The following KCND2 variants were observed in gnomAD, a reference collection of about 807,000 sequenced individuals.
The protein encoded by KCND2 is A-type voltage-gated potassium channel KCND2.
A neutral mutation model predicts 54.4 loss-of-function variants in KCND2; 16 were observed. The observed-to-expected ratio is 0.29, with a 90% CI of 0.20 to 0.45. KCND2 has a LOEUF of 0.45. KCND2 is among the 20% of genes least tolerant of loss of function. The pLI is 1.00. For missense variants in KCND2, 486 were observed against 824.2 expected, an observed-to-expected ratio of 0.59 and a Z score of 5.02; for synonymous variants, 317 against 310.7, an observed-to-expected ratio of 1.02 and a Z score of -0.21.
At chr7:120,730,285 T>C (rs2116137257) in intron 1 of KCND2, among the ~76,000 whole-genome samples, 1 of 152,212 alleles carries the variant, frequency 6.6e-6, no homozygotes, top group East Asian at 1.9e-4. Context: ...GCTTACTGCA[T>C]AATCAGTGTG....
In KCND2 at chr7:120,493,869, T is replaced by C. The variant is rs186064818; in HGVS notation, c.1115+218122T>C. ...AGCATAATCCACAGTAGTGTTAAAC[T>C]GCATATATCTAAATATGTAATTGGT... On this transcript the variant is annotated intron_variant, in intron 1 of 5. Coordinates refer to ENST00000331113, the MANE Select transcript of KCND2 (RefSeq NM_012281.3). 5.7e-3 allele frequency among the ~76,000 whole-genome samples: 866 copies of C among 152,278 alleles called. 3 individuals carry two copies. Among genetic ancestry groups the C allele is most frequent in the Admixed American group, 0.01 (155 of 15,270 alleles).
intron 1 of KCND2, among the ~76,000 whole-genome samples, chr7:120,511,402 G>T (rs887458086): frequency 6.6e-6 from 1 of 151,994 alleles, no homozygotes; most frequent in Non-Finnish European, 1.5e-5. Flanking sequence ...ACAGAGACTG[G>T]TTTTGTTTAC....
intron 1 of KCND2, among the ~76,000 whole-genome samples, chr7:120,560,619 A>G (rs139650175): frequency 6.6e-6 from 1 of 152,182 alleles, no homozygotes; most frequent in Non-Finnish European, 1.5e-5. Flanking sequence ...GAAAGGAGAA[A>G]TCTTGCAGAA....
chr7:120,413,140 AT>A (rs1801475023), intron 1 of KCND2, among the ~76,000 whole-genome samples: 1 of 152,108 alleles, frequency 6.6e-6, no homozygotes, highest in African/African-American at 2.4e-5. Context: ...GAAGTAAGAC[AT>A]TTAAAAGAAG....
intron 1 of KCND2, among the ~76,000 whole-genome samples, chr7:120,560,760 C>T (rs1792223112): frequency 6.6e-6 from 1 of 152,146 alleles, no homozygotes; most frequent in Non-Finnish European, 1.5e-5. Context: ...CCATGTGTTC[C>T]TCTCAGTGTC....
intron 1 of KCND2, among the ~76,000 whole-genome samples, chr7:120,635,474 C>T (rs1793293270): frequency 6.6e-6 from 1 of 152,100 alleles, no homozygotes; most frequent in South Asian, 2.1e-4. Flanking sequence ...ATTGTAAGAA[C>T]TACACAAATT....
At chr7:120,519,507 A>G (rs1287636848) in intron 1 of KCND2, among the ~76,000 whole-genome samples, 2 of 152,124 alleles carry the variant, frequency 1.3e-5, no homozygotes, top group Non-Finnish European at 2.9e-5. Flanking sequence ...CTAGCATCAC[A>G]CCTCATAATT....
chr7:120,667,914 A>AAT (rs1396423752), intron 1 of KCND2, among the ~76,000 whole-genome samples: 2 of 152,100 alleles, frequency 1.3e-5, no homozygotes, highest in Non-Finnish European at 2.9e-5. Context: ...GACAACATGT[A>AAT]ATACCAAAGT....
intron 1 of KCND2, among the ~76,000 whole-genome samples, chr7:120,278,167 C>G (rs1440359729): frequency 6.6e-6 from 1 of 151,886 alleles, no homozygotes; most frequent in Non-Finnish European, 1.5e-5. Flanking sequence ...AATTTCTCAT[C>G]AAAATGTATT....
At chr7:120,733,527 GAC>G (rs1792832830) in intron 2 of KCND2, among the ~76,000 whole-genome samples, 1 of 152,136 alleles carries the variant, frequency 6.6e-6, no homozygotes, top group African/African-American at 2.4e-5. Context: ...CAGCACTAAT[GAC>G]AGTAGCAAAA....
chr7:120,529,767 A>C (rs1791820616), intron 1 of KCND2, among the ~76,000 whole-genome samples: 1 of 152,062 alleles, frequency 6.6e-6, no homozygotes, highest in Non-Finnish European at 1.5e-5. Context: ...TAGCCTCAAA[A>C]AGGAGTCTAT....
At chr7:120,288,439 G>C (rs908462339) in intron 1 of KCND2, among the ~76,000 whole-genome samples, 1 of 152,058 alleles carries the variant, frequency 6.6e-6, no homozygotes, top group African/African-American at 2.4e-5. Context: ...CCTAAAGATA[G>C]AAAACAAATT....
chr7:120,316,948 G>A (rs1799821173), intron 1 of KCND2, among the ~76,000 whole-genome samples: 1 of 151,682 alleles, frequency 6.6e-6, no homozygotes, highest in East Asian at 1.9e-4. Flanking sequence ...CGATTTTCCT[G>A]CCCCAGCCTC....
At chr7:120,728,452 C>T (rs1334701690) in intron 1 of KCND2, among the ~76,000 whole-genome samples, 2 of 151,656 alleles carry the variant, frequency 1.3e-5, no homozygotes, top group East Asian at 2.0e-4. Context: ...CCACCACACC[C>T]GGCTAACATT....
At chr7:120,672,970 A>G (rs1230062438) in intron 1 of KCND2, 1 of 152,002 alleles carries the variant, frequency 6.6e-6, no homozygotes, top group Non-Finnish European at 1.5e-5. Context: ...AGTGTCTCAT[A>G]TTAAAAGACA....
chr7:120,308,726 G>A (rs967649600), intron 1 of KCND2, among the ~76,000 whole-genome samples: 2 of 152,182 alleles, frequency 1.3e-5, no homozygotes, highest in Admixed American at 1.3e-4. Context: ...AAACTGCCTT[G>A]TAGGTGGGTA....
At chr7:120,743,200 C>T (rs1792963705) in intron 4 of KCND2, among the ~76,000 whole-genome samples, 1 of 152,100 alleles carries the variant, frequency 6.6e-6, no homozygotes, top group African/African-American at 2.4e-5. Flanking sequence ...GCAAATCTAC[C>T]AATTTCTTAA....
intron 4 of KCND2, among the ~76,000 whole-genome samples, chr7:120,745,463 T>G (rs1197995710): frequency 2.0e-5 from 3 of 149,384 alleles, no homozygotes; most frequent in Non-Finnish European, 3.0e-5. Context: ...ATTTTTTAGG[T>G]TTTTTTTTTC....
At chr7:120,577,747 G>A (rs1296980690) in intron 1 of KCND2, among the ~76,000 whole-genome samples, 5 of 151,966 alleles carry the variant, frequency 3.3e-5, no homozygotes, top group Non-Finnish European at 2.9e-5. Context: ...CACCACGCCC[G>A]GCTAATTTTT....
Sources: gnomAD v4.1 joint callset for allele counts (sites outside exome capture counted in the v4.1 genomes callset) on GRCh38, gnomAD v4.1.1 for gene constraint, MANE v1.5 for transcripts, NCBI Gene and HGNC (gene_info 2026-07-23, HGNC 2026-07-21) for gene names.